The following SELP variants were observed in gnomAD, a reference collection of about 807,000 sequenced individuals.
SELP encodes the protein selectin P, also known as P-selectin.
Under a neutral mutation model 104.1 loss-of-function variants are expected in SELP, and 92 were observed. The ratio of observed to expected loss-of-function variants is 0.88; its 90% CI spans 0.75 to 1.05. The LOEUF (loss-of-function observed/expected upper bound fraction) is 1.05, where lower values mean the gene tolerates loss of function less well. Ranked by LOEUF, SELP falls within the 50% of genes least tolerant of loss-of-function variation. SELP has a pLI of 0.00. For missense variants in SELP, 1,022 were observed against 1,017.3 expected, an observed-to-expected ratio of 1.00 and a Z score of -0.06; for synonymous variants, 397 against 364.5, an observed-to-expected ratio of 1.09 and a Z score of -1.01.
At chr1:169,610,109 A>T (rs1440233385) in intron 7 of SELP, among the ~76,000 whole-genome samples, 1 of 152,078 alleles carries the variant, frequency 6.6e-6, no homozygotes, top group Non-Finnish European at 1.5e-5. Context: ...GAAAGTGCTC[A>T]TTAAATATTG....
chr1:169,609,436 C>T, intron 8 of SELP, 68 bp downstream of exon 8: 6 of 1,439,304 alleles, frequency 4.2e-6, no homozygotes, highest in Non-Finnish European at 5.7e-6. Flanking sequence ...CATGCCAATG[C>T]TCAGTGCAGA....
chr1:169,612,276 G>T lies in SELP; in HGVS notation c.902C>A (p.Pro301Gln), dbSNP rs6124. 6.2e-7 allele frequency: 1 copy of T among 1,614,110 alleles called. No homozygotes were observed. The highest frequency in any genetic ancestry group is 8.5e-7 in the Non-Finnish European group (1 of 1,180,004). Residue 301 changes from proline (P) to glutamine (Q), a missense_variant, in exon 6 of 17, where the codon CCG becomes CAG. By Grantham distance (76) the Pro-to-Gln change is moderately conservative. Coordinates refer to ENST00000263686, the MANE Select transcript of SELP (RefSeq NM_003005.4). ...SCEEGFALVGPEVVQCTASGV... is the reference protein window; with the variant it reads ...SCEEGFALVGQEVVQCTASGV... ...CGAGGCTGTGCATTGCACCACTTCC[G>T]GTCCAACTAATGCAAATCCCTCTTC...
chr1:169,599,997 A>G (rs1382646907), intron 10 of SELP, among the ~76,000 whole-genome samples: 2 of 152,220 alleles, frequency 1.3e-5, no homozygotes, highest in Non-Finnish European at 2.9e-5. Context: ...GTATCATGAA[A>G]GTGGTCCAAC....
intron 3 of SELP, 64 bp downstream of exon 3, chr1:169,616,964 C>T (rs1662842538): frequency 6.7e-6 from 9 of 1,337,250 alleles, no homozygotes; most frequent in East Asian, 5.3e-5. Context: ...GTTATGTTGG[C>T]CAACCAGAGA....
At chr1:169,608,147 CTT>C (rs200791706) in intron 8 of SELP, among the ~76,000 whole-genome samples, 52,637 of 138,094 alleles carry the variant, frequency 0.38, 10,751 homozygotes, top group East Asian at 0.91. Flanking sequence ...CTTGTTTTTT[CTT>C]TTTTTTTTTT....
intron 15 of SELP, among the ~76,000 whole-genome samples, 189 bp downstream of exon 15, chr1:169,591,237 T>C (rs2101858265): frequency 6.6e-6 from 1 of 152,356 alleles, no homozygotes; most frequent in South Asian, 2.1e-4. Context: ...CTTTTCATTT[T>C]ATTCCTACTT....
rs879792708 is a variant in SELP at position 169,611,384 on chromosome 1, A to G, written c.1147+108T>C. On this transcript the variant is annotated intron_variant, in intron 7 of 16. Transcript: ENST00000263686. ...TCCTGGAGGTTGAAGAGCTTGCTCT[A>G]GTGCAAGAACTTAGAAGAGATCACC... 4.5e-6 allele frequency: 5 copies of G among 1,100,968 alleles called. 1 individual carries two copies. The Admixed American group carries it at 1.2e-4, about 27-fold the overall frequency. 68.2% of individuals were successfully genotyped at this position (1,100,968 alleles called of 1,614,324 possible). A position where few individuals can be genotyped will look rare whatever the true frequency, so the allele number is the denominator to read the frequency against.
chr1:169,620,947 T>TTC (rs1553232438), intron 1 of SELP, among the ~76,000 whole-genome samples: 1 of 71,420 alleles, frequency 1.4e-5, no homozygotes, highest in Non-Finnish European at 2.9e-5. Flanking sequence ...CAGTGTGGGG[T>TTC]TCTGTGTGTG....
intron 2 of SELP, among the ~76,000 whole-genome samples, chr1:169,617,749 T>G (rs905388229): frequency 1.3e-5 from 2 of 152,188 alleles, no homozygotes; most frequent in African/African-American, 4.8e-5. Flanking sequence ...CATAAGTAAT[T>G]TGCCCAAGCT....
chr1:169,612,511 G>T, intron 5 of SELP, 109 bp from the exon 6 acceptor site: 3 of 980,012 alleles, frequency 3.1e-6, no homozygotes, highest in Non-Finnish European at 3.1e-6. Flanking sequence ...TGGCAGGCAG[G>T]TTGATGCACT....
chr1:169,629,800 G>A (rs1663547088), intron 1 of SELP, among the ~76,000 whole-genome samples: 1 of 152,196 alleles, frequency 6.6e-6, no homozygotes, highest in Non-Finnish European at 1.5e-5. Context: ...ACATCATGTA[G>A]CCTAACAGTG....
intron 6 of SELP, among the ~76,000 whole-genome samples, 170 bp downstream of exon 6, chr1:169,612,047 T>A (rs543170162): frequency 5.3e-5 from 8 of 152,212 alleles, no homozygotes; most frequent in African/African-American, 1.9e-4. Flanking sequence ...GAAAGGAATT[T>A]TTTTCCTTTC....
intron 10 of SELP, among the ~76,000 whole-genome samples, chr1:169,601,946 C>T (rs985208132): frequency 2.0e-5 from 3 of 152,156 alleles, no homozygotes; most frequent in Non-Finnish European, 4.4e-5. Context: ...TACATTAGAA[C>T]AATAGCACCT....
intron 1 of SELP, among the ~76,000 whole-genome samples, chr1:169,622,789 A>C (rs1347841291): frequency 1.3e-5 from 2 of 152,214 alleles, no homozygotes; most frequent in Non-Finnish European, 1.5e-5. Flanking sequence ...AAAATGTGTA[A>C]TCTTAGGCTA....
chr1:169,602,370 G>A (rs1661953020), intron 10 of SELP, among the ~76,000 whole-genome samples: 1 of 152,158 alleles, frequency 6.6e-6, no homozygotes, highest in Admixed American at 6.5e-5. Flanking sequence ...CTCAGTTGAA[G>A]GTGAATGTAG....
At chr1:169,601,130 G>C (rs1301239566) in intron 10 of SELP, among the ~76,000 whole-genome samples, 1 of 152,184 alleles carries the variant, frequency 6.6e-6, no homozygotes, top group African/African-American at 2.4e-5. Context: ...TGGGAAAATA[G>C]AACTTATGAG....
At chr1:169,601,222 T>C (rs1009735412) in intron 10 of SELP, among the ~76,000 whole-genome samples, 4 of 152,236 alleles carry the variant, frequency 2.6e-5, no homozygotes, top group Non-Finnish European at 4.4e-5. Context: ...CTTTCCTCCA[T>C]ACATGTTCTA....
In SELP at chr1:169,627,031, AG is replaced by A. The variant is rs1216663937; in HGVS notation, c.3+3040del. Among the ~76,000 whole-genome samples, 9 of 152,220 alleles carry A rather than the reference AG, an allele frequency of 5.9e-5. No individual in the cohort carries two copies. In the East Asian group the frequency reaches 1.7e-3, roughly 29 times the overall value. ...ACAATCAGGGAGATTGCACTGCAAAAGAAGAGGCTATTGCAATGGTCCCAGT... is the reference window on the plus strand; with the variant it reads ...ACAATCAGGGAGATTGCACTGCAAAAAAGAGGCTATTGCAATGGTCCCAGT... On this transcript the variant is annotated intron_variant, in intron 1 of 16. Coordinates refer to ENST00000263686, the MANE Select transcript of SELP (RefSeq NM_003005.4).
intron 7 of SELP, 28 bp downstream of exon 7, chr1:169,611,463 GA>G (rs1662526982): frequency 6.2e-7 from 1 of 1,609,024 alleles, no homozygotes; most frequent in African/African-American, 1.3e-5. Flanking sequence ...TTCTTGGACA[GA>G]ATGGAGGTTG....
Sources: allele counts gnomAD v4.1 joint callset (sites outside exome capture counted in the v4.1 genomes callset), GRCh38; gene constraint gnomAD v4.1.1; transcripts MANE v1.5; gene names NCBI Gene and HGNC (gene_info 2026-07-23, HGNC 2026-07-21).